Variants in ELF1 observed in about 807,000 individuals in gnomAD.
ELF1 encodes the protein E74 like ETS transcription factor 1.
In ELF1, 24 loss-of-function variants were observed where a neutral mutation model predicts 59.9. The observed-to-expected ratio is 0.40, with a 90% CI of 0.29 to 0.56. ELF1 has a LOEUF of 0.56. Among genes scored for constraint, ELF1 ranks in the 20% least tolerant of loss-of-function variants. ELF1 has a pLI of 0.44. For missense variants in ELF1, 627 were observed against 742.2 expected (o/e 0.84, Z 1.80); for synonymous variants, 248 against 266.2 (o/e 0.93, Z 0.67).
chr13:40,978,692 T>C (rs187990430), intron 2 of ELF1, among the ~76,000 whole-genome samples: 18 of 151,734 alleles, frequency 1.2e-4, no homozygotes, highest in Non-Finnish European at 2.1e-4. Flanking sequence ...AAAACTCTAA[T>C]TGAAAATAAA....
At chr13:41,012,144 TA>T (rs1302166494) in intron 1 of ELF1, among the ~76,000 whole-genome samples, 1 of 151,476 alleles carries the variant, frequency 6.6e-6, no homozygotes, top group Non-Finnish European at 1.5e-5. Flanking sequence ...TCATCTCTAC[TA>T]AAAAAATACA....
At position 40,941,124 on chromosome 13, in the gene ELF1, T is replaced by C; in HGVS notation, c.1053A>G (p.Lys351=). 2 of 1,614,188 alleles carry C rather than the reference T, an allele frequency of 1.2e-6. No individual in the cohort carries two copies. Among genetic ancestry groups the C allele is most frequent in the Admixed American group, 1.7e-5 (1 of 60,028 alleles). Residue 351 remains lysine, a synonymous_variant, in exon 8 of 9, where the codon AAA becomes AAG. Transcript: ENST00000239882. The part of the protein sequence containing the change: ...ATTVLKPGNS[K]AAKPKDPVEV... Reference sequence around the variant, plus strand: ...CCACAGGATCTTTGGGTTTTGCAGCTTTAGAATTCCCTGGTTTTAGAACTG... The same window carrying C: ...CCACAGGATCTTTGGGTTTTGCAGCCTTAGAATTCCCTGGTTTTAGAACTG...
At chr13:40,993,675 G>A (rs1052907819) in intron 1 of ELF1, among the ~76,000 whole-genome samples, 13 of 151,890 alleles carry the variant, frequency 8.6e-5, no homozygotes, top group Admixed American at 8.5e-4. Flanking sequence ...TGTAGAGAAG[G>A]GGTCTCATCA....
intron 2 of ELF1, among the ~76,000 whole-genome samples, chr13:40,974,349 T>C (rs1396310427): frequency 2.6e-5 from 4 of 152,192 alleles, no homozygotes; most frequent in Admixed American, 6.5e-5. Context: ...TTTCACCACT[T>C]ACATGTTGCA....
At chr13:41,010,361 G>A (rs555589430) in intron 1 of ELF1, among the ~76,000 whole-genome samples, 161 of 151,788 alleles carry the variant, frequency 1.1e-3, no homozygotes, top group Non-Finnish European at 1.8e-3. Context: ...CTGAGGTGGA[G>A]GATTGCTTGA....
chr13:40,983,953 T>A (rs968056369), intron 1 of ELF1, among the ~76,000 whole-genome samples: 34 of 152,168 alleles, frequency 2.2e-4, no homozygotes, highest in Non-Finnish European at 7.4e-5. Context: ...CCCATTTATT[T>A]CACAAAGCCT....
chr13:41,007,338 A>C (rs2138352276), intron 1 of ELF1, among the ~76,000 whole-genome samples: 1 of 152,332 alleles, frequency 6.6e-6, no homozygotes, highest in East Asian at 1.9e-4. Context: ...AGAAGAACAC[A>C]ACGGGAAAAT....
chr13:40,992,161 T>C (rs1873888799), intron 1 of ELF1, among the ~76,000 whole-genome samples: 1 of 151,784 alleles, frequency 6.6e-6, no homozygotes, highest in Non-Finnish European at 1.5e-5. Flanking sequence ...AATTATTTTA[T>C]TTGTCATTTG....
At chr13:41,005,707 C>G (rs1384420983) in intron 1 of ELF1, among the ~76,000 whole-genome samples, 1 of 152,134 alleles carries the variant, frequency 6.6e-6, no homozygotes, top group African/African-American at 2.4e-5. Context: ...AAATAGAACT[C>G]TGTTCTCCAT....
intron 1 of ELF1, among the ~76,000 whole-genome samples, chr13:41,009,694 G>T (rs551095553): frequency 6.6e-6 from 1 of 152,146 alleles, no homozygotes; most frequent in African/African-American, 2.4e-5. Context: ...CGTGGAAAGG[G>T]CTAGGAGACA....
chr13:40,933,388 A>C lies in ELF1; in HGVS notation c.*37T>G, dbSNP rs1244959211. On this transcript the variant is annotated 3_prime_UTR_variant, in exon 9 of 9. Coordinates refer to ENST00000239882, the MANE Select transcript of ELF1 (RefSeq NM_172373.4). ...GTCTGCATATAATTGAAAATGTTCA[A>C]TTAACAAACAATTATTCATAAGCTT... The C allele has an allele frequency of 6.4e-7, 1 of 1,574,634 alleles. No homozygotes were observed. The highest frequency in any genetic ancestry group is 1.9e-5 in the Admixed American group (1 of 52,934).
In ELF1 at chr13:41,031,670, A is replaced by C. The variant is rs375806281; in HGVS notation, c.-229+29168T>G. On this transcript the variant is annotated intron_variant, in intron 1 of 1. Coordinates refer to the ELF1 transcript ENST00000405737. ...CCGTCTTTACTAAAAATACAAAAAA[A>C]TTAGCCAGGGGTGTTGGTGGGCGCC... Among the ~76,000 whole-genome samples the C allele has an allele frequency of 1.2e-3, 184 of 151,918 alleles. 1 individual carries two copies. Among genetic ancestry groups the C allele is most frequent in the African/African-American group, 4.2e-3 (175 of 41,402 alleles).
Position 40,933,830 on chromosome 13 carries a change from C to T in ELF1, c.1455G>A (p.Met485Ile), listed in dbSNP as rs369423492. The change falls in exon 9 of 9, where the codon ATG (methionine) becomes ATA (isoleucine). Residue 485 changes from methionine to isoleucine, a missense_variant. Coordinates refer to ENST00000239882, the MANE Select transcript of ELF1 (RefSeq NM_172373.4). The part of the protein sequence containing the change: ...QPMTVLKENV[M>I]LQSQKAGSPP... ...GAGAGCCCGCCTTTTGTGACTGCAG[C>T]ATGACATTTTCTTTCAGTACTGTCA... The T allele has an allele frequency of 9.3e-5, 150 of 1,614,248 alleles. No homozygotes were observed. The African/African-American group carries it at 1.8e-3, about 20-fold the overall frequency.
At chr13:40,951,191 A>G (rs2138160701) in intron 4 of ELF1, 138 bp downstream of exon 4, 1 of 642,836 alleles carries the variant, frequency 1.6e-6, no homozygotes, top group East Asian at 3.2e-5. Context: ...AAGGCACCTC[A>G]ATTCCTACTA....
chr13:41,045,553 C>T (rs140575829), intron 1 of ELF1, among the ~76,000 whole-genome samples: 210 of 152,258 alleles, frequency 1.4e-3, no homozygotes, highest in African/African-American at 4.8e-3. Flanking sequence ...ATGTACCCAG[C>T]AGTCATTCAG....
At chr13:41,060,446 G>A (rs1027392135) in intron 1 of ELF1, among the ~76,000 whole-genome samples, 2 of 152,294 alleles carry the variant, frequency 1.3e-5, no homozygotes, top group East Asian at 1.9e-4. Flanking sequence ...ACTACGGGCC[G>A]GAGGGGCGGG....
intron 1 of ELF1, among the ~76,000 whole-genome samples, chr13:41,029,740 T>G (rs1220386655): frequency 6.6e-6 from 1 of 152,178 alleles, no homozygotes; most frequent in Non-Finnish European, 1.5e-5. Context: ...CCAATGTGGG[T>G]GGGCACCATC....
chr13:40,996,621 G>A lies in ELF1; in HGVS notation c.-228-14339C>T, dbSNP rs367799027. Among the ~76,000 whole-genome samples, 15 of 152,290 alleles carry A rather than the reference G, an allele frequency of 9.8e-5. No individual in the cohort carries two copies. The South Asian group carries it at 1.9e-3, about 19-fold the overall frequency. ...CTTCAAGTGACAAAGTGTCAGTGTA[G>A]GTTCATCAACTGTAACAAGTGCACC... On this transcript the variant is annotated intron_variant, in intron 1 of 8. Coordinates refer to ENST00000239882, the MANE Select transcript of ELF1 (RefSeq NM_172373.4).
intron 1 of ELF1, chr13:41,060,834 C>G (rs1203728356): frequency 3.7e-6 from 1 of 272,680 alleles, no homozygotes; most frequent in African/African-American, 2.3e-5. Flanking sequence ...CTGCCGTGAC[C>G]CACCTGACAA....
Sources: gnomAD v4.1 joint callset for allele counts (sites outside exome capture counted in the v4.1 genomes callset) on GRCh38, gnomAD v4.1.1 for gene constraint, MANE v1.5 for transcripts, NCBI Gene and HGNC (gene_info 2026-07-23, HGNC 2026-07-21) for gene names.